Variants in RYR3 observed in about 807,000 individuals in gnomAD.
RYR3 encodes ryanodine receptor 3.
Under a neutral mutation model 584.3 loss-of-function variants are expected in RYR3, and 207 were observed. That is an observed-to-expected ratio of 0.35 (90% CI 0.32 to 0.40). The LOEUF (loss-of-function observed/expected upper bound fraction) is 0.40, where lower values mean the gene tolerates loss of function less well. Among genes scored for constraint, RYR3 ranks in the 10% least tolerant of loss-of-function variants. The probability of loss-of-function intolerance (pLI) is 1.00; values close to 1 mark genes in which losing one functional copy is unlikely to be tolerated. For synonymous variants in RYR3, 2,416 were observed against 2,248.5 expected (o/e 1.07, Z -2.11); for missense variants, 5,616 against 6,089.2 (o/e 0.92, Z 2.59).
intron 38 of RYR3, among the ~76,000 whole-genome samples, chr15:33,695,864 C>T (rs2065813075): frequency 6.6e-6 from 1 of 151,140 alleles, no homozygotes; most frequent in African/African-American, 2.4e-5. Flanking sequence ...TGGCTTACCG[C>T]ACCCTCAACC....
At chr15:33,656,285 G>C (rs559401720) in intron 32 of RYR3, among the ~76,000 whole-genome samples, 2 of 152,338 alleles carry the variant, frequency 1.3e-5, no homozygotes, top group African/African-American at 4.8e-5. Context: ...GGCATACCAC[G>C]GCAGTGCTAA....
At chr15:33,420,770 T>C (rs905383878) in intron 1 of RYR3, among the ~76,000 whole-genome samples, 9 of 152,204 alleles carry the variant, frequency 5.9e-5, no homozygotes, top group African/African-American at 2.2e-4. Flanking sequence ...TTGCTTCTGA[T>C]AAGGCCCCTT....
At position 33,430,340 on chromosome 15, in the gene RYR3, A is replaced by T. The variant is rs533221485; in HGVS notation, c.52-43079A>T. On this transcript the variant is annotated intron_variant, in intron 1 of 103. Coordinates refer to ENST00000634891, the MANE Select transcript of RYR3 (RefSeq NM_001036.6). ...TCACAGGCAAAAGTGATAAATCGGCACATCGAGGCTATACATTGGTTTGAC... is the reference window on the plus strand; with the variant it reads ...TCACAGGCAAAAGTGATAAATCGGCTCATCGAGGCTATACATTGGTTTGAC... 8.9e-4 allele frequency among the ~76,000 whole-genome samples: 136 copies of T among 152,352 alleles called. 2 individuals are homozygous for T. The Middle Eastern group carries it at 0.031, about 34-fold the overall frequency.
chr15:33,451,390 G>A (rs543500184), intron 1 of RYR3, among the ~76,000 whole-genome samples: 31 of 152,196 alleles, frequency 2.0e-4, no homozygotes, highest in Admixed American at 6.5e-4. Flanking sequence ...TAAAATGAAC[G>A]GATGAGAGTG....
In RYR3 at chr15:33,826,661, G is replaced by T. The variant is rs769721081; in HGVS notation, c.11165-11G>T. On this transcript the variant is annotated splice_polypyrimidine_tract_variant and intron_variant, in intron 83 of 103. Coordinates refer to ENST00000634891, the MANE Select transcript of RYR3 (RefSeq NM_001036.6). ...CCAAACCAATGCTCATCAACGTTCT[G>T]TGTTTTCAAGGTGAAAAAGTACTCC... is the stretch of plus-strand genomic sequence containing the variant. 1.2e-6 allele frequency: 2 copies of T among 1,610,304 alleles called. No individual in the cohort carries two copies. Among genetic ancestry groups the T allele is most frequent in the South Asian group, 2.2e-5 (2 of 91,016 alleles).
At chr15:33,495,387 T>C (rs1469874132) in intron 2 of RYR3, among the ~76,000 whole-genome samples, 1 of 152,160 alleles carries the variant, frequency 6.6e-6, no homozygotes, top group African/African-American at 2.4e-5. Flanking sequence ...TAAATGTTCA[T>C]CCCAGCGGTG....
chr15:33,738,873 T>C (rs1440668606), intron 50 of RYR3, among the ~76,000 whole-genome samples: 3 of 152,226 alleles, frequency 2.0e-5, no homozygotes, highest in African/African-American at 7.2e-5. Context: ...GATCATCTGA[T>C]GTCAGTCTTT....
chr15:33,783,856 C>T (rs2074542826), intron 65 of RYR3, among the ~76,000 whole-genome samples: 1 of 152,208 alleles, frequency 6.6e-6, no homozygotes, highest in Non-Finnish European at 1.5e-5. Context: ...AGGACAGACT[C>T]ATTATCTGCA....
intron 82 of RYR3, 24 bp from the exon 83 acceptor site, chr15:33,826,225 ATTC>A (rs1567254949): frequency 6.2e-7 from 1 of 1,612,024 alleles, no homozygotes. Flanking sequence ...CTTACTTTCT[ATTC>A]TTCTGTTTTT....
intron 14 of RYR3, among the ~76,000 whole-genome samples, chr15:33,582,840 C>A (rs548906595): frequency 1.3e-5 from 2 of 152,262 alleles, no homozygotes; most frequent in South Asian, 2.1e-4. Context: ...CTAGAGGAGG[C>A]CTTTCTTTAT....
At chr15:33,577,462 C>T (rs984825807) in intron 12 of RYR3, among the ~76,000 whole-genome samples, 2 of 152,004 alleles carry the variant, frequency 1.3e-5, no homozygotes, top group African/African-American at 2.4e-5. Flanking sequence ...GAAATAAGAC[C>T]GCACATCTAC....
At chr15:33,434,596 C>T (rs2045491037) in intron 1 of RYR3, among the ~76,000 whole-genome samples, 1 of 151,930 alleles carries the variant, frequency 6.6e-6, no homozygotes, top group Non-Finnish European at 1.5e-5. Context: ...ATCTAGTACC[C>T]ATATGTAAGG....
chr15:33,778,764 T>G, intron 64 of RYR3, among the ~76,000 whole-genome samples: 1 of 152,160 alleles, frequency 6.6e-6, no homozygotes, highest in Non-Finnish European at 1.5e-5. Flanking sequence ...CAGTCCTGGG[T>G]GGGGAGGTTT....
chr15:33,736,223 T>C lies in RYR3; in HGVS notation c.7425-12T>C. Reference sequence around the variant, plus strand: ...CATTTTATTTATCTACGTTTGTCATTTCATACTGCAGTCACTTGAGGCCTT... The same window carrying C: ...CATTTTATTTATCTACGTTTGTCATCTCATACTGCAGTCACTTGAGGCCTT... On this transcript the variant is annotated splice_polypyrimidine_tract_variant and intron_variant, in intron 48 of 103. Transcript: ENST00000634891. 1.3e-6 allele frequency: 2 copies of C among 1,569,298 alleles called. No individual in the cohort carries two copies. Among genetic ancestry groups the C allele is most frequent in the Non-Finnish European group, 1.8e-6 (2 of 1,140,810 alleles).
intron 85 of RYR3, 65 bp downstream of exon 85, chr15:33,827,352 C>A: frequency 7.0e-7 from 1 of 1,436,074 alleles, no homozygotes. Flanking sequence ...AACACAGTTA[C>A]ACAGGGTCAG....
intron 1 of RYR3, among the ~76,000 whole-genome samples, chr15:33,410,006 C>G (rs533337790): frequency 1.3e-5 from 2 of 152,220 alleles, no homozygotes; most frequent in African/African-American, 4.8e-5. Context: ...AGGCATAAAC[C>G]CCAAAGAACA....
At chr15:33,670,346 T>C (rs983041793) in intron 37 of RYR3, 73 bp from the exon 38 acceptor site, 8 of 1,524,682 alleles carry the variant, frequency 5.2e-6, no homozygotes, top group Non-Finnish European at 3.6e-6. Flanking sequence ...AGCAGTTTTT[T>C]AAATGTTCTT....
In RYR3 at chr15:33,548,089, G is replaced by A. The variant is rs1277975826; in HGVS notation, c.741-41G>A. Reference sequence around the variant, plus strand: ...CTGTTCTTCACCCGGGTGCTGATCAGTGTCATGCAAGTAGGAGCTGATCTC... The same window carrying A: ...CTGTTCTTCACCCGGGTGCTGATCAATGTCATGCAAGTAGGAGCTGATCTC... On this transcript the variant is annotated intron_variant, in intron 8 of 103. Coordinates refer to ENST00000634891, the MANE Select transcript of RYR3 (RefSeq NM_001036.6). 5 of 1,459,580 alleles carry A rather than the reference G, an allele frequency of 3.4e-6. No individual in the cohort carries two copies. In the South Asian group the frequency reaches 4.7e-5, roughly 14 times the overall value. The allele number at this position is 1,459,580 out of a possible 1,614,324, so 90.4% of individuals were successfully genotyped here.
rs1463698021 is a variant in RYR3 at position 33,646,370 on chromosome 15, C to G, written c.3785C>G (p.Thr1262Ser). The change falls in exon 29 of 104, where the codon ACC becomes AGC. Residue 1262 changes from threonine to serine, a missense_variant. Thr to Ser is a moderately conservative substitution (Grantham distance 58, BLOSUM62 1). Around this residue, in one of 9 missense-constraint regions of RYR3, gnomAD observed 753 missense variants for 741.0 expected, o/e 1.02. Transcript: ENST00000634891. Reference sequence around the variant, plus strand: ...TTCCAGGTCATGAGGATTGATGGCACCATGGACAGCCCTCCGTGTCTCAAG... The same window carrying G: ...TTCCAGGTCATGAGGATTGATGGCAGCATGGACAGCCCTCCGTGTCTCAAG... Reference protein sequence around the residue: ...PHIEVMRIDGTMDSPPCLKVT... With the variant: ...PHIEVMRIDGSMDSPPCLKVT... 6.2e-7 allele frequency: 1 copy of G among 1,609,982 alleles called. No individual in the cohort carries two copies. Among genetic ancestry groups the G allele is most frequent in the East Asian group, 2.2e-5 (1 of 44,818 alleles).
Sources: gnomAD v4.1 joint callset for allele counts (sites outside exome capture counted in the v4.1 genomes callset) on GRCh38, gnomAD v4.1.1 for gene constraint, gnomAD v4.1.1 regional missense constraint, MANE v1.5 for transcripts, NCBI Gene and HGNC (gene_info 2026-07-23, HGNC 2026-07-21) for gene names.